Variants in MTHFD2L observed in about 807,000 individuals in gnomAD.
MTHFD2L encodes the protein methylenetetrahydrofolate dehydrogenase (NADP+ dependent) 2 like.
Under a neutral mutation model 34.9 loss-of-function variants are expected in MTHFD2L, and 29 were observed. The ratio of observed to expected loss-of-function variants is 0.83; its 90% CI spans 0.62 to 1.13. The LOEUF (loss-of-function observed/expected upper bound fraction) is 1.13, where lower values mean the gene tolerates loss of function less well. Among genes scored for constraint, MTHFD2L ranks in the 50% most tolerant of loss-of-function variants. The pLI is 0.00. For missense variants in MTHFD2L, 481 were observed against 446.5 expected (o/e 1.08, Z -0.70); for synonymous variants, 167 against 155.7 (o/e 1.07, Z -0.54).
chr4:74,159,949 T>G (rs1725051424), intron 1 of MTHFD2L: 14 of 571,002 alleles, frequency 2.5e-5, no homozygotes, highest in Non-Finnish European at 2.9e-5. Context: ...TCTCTGAAGG[T>G]GAGGTTGGCC....
At chr4:74,192,888 T>C (rs928033328) in intron 3 of MTHFD2L, among the ~76,000 whole-genome samples, 3 of 152,102 alleles carry the variant, frequency 2.0e-5, no homozygotes, top group Non-Finnish European at 4.4e-5. Flanking sequence ...TCTCCCAGTC[T>C]TTGGCTTACC....
At chr4:74,219,393 GA>G (rs1737759545) in intron 5 of MTHFD2L, among the ~76,000 whole-genome samples, 1 of 152,032 alleles carries the variant, frequency 6.6e-6, no homozygotes, top group African/African-American at 2.4e-5. Flanking sequence ...GTGAGTGTGG[GA>G]AAAAGTCATC....
intron 5 of MTHFD2L, among the ~76,000 whole-genome samples, chr4:74,223,884 A>G (rs190895015): frequency 6.2e-4 from 95 of 152,196 alleles, no homozygotes; most frequent in East Asian, 3.3e-3. Context: ...GTAGTCATCT[A>G]TTAAGTTAAT....
At chr4:74,298,151 A>T (rs1328504750) in intron 7 of MTHFD2L, among the ~76,000 whole-genome samples, 1 of 152,078 alleles carries the variant, frequency 6.6e-6, no homozygotes, top group African/African-American at 2.4e-5. Context: ...CTTCATATCC[A>T]TATACTTTAT....
intron 6 of MTHFD2L, among the ~76,000 whole-genome samples, chr4:74,265,979 A>G (rs1745237757): frequency 6.6e-6 from 1 of 152,196 alleles, no homozygotes; most frequent in Non-Finnish European, 1.5e-5. Flanking sequence ...AATATGTTGA[A>G]GTCAATTATT....
Position 74,201,256 on chromosome 4 carries a change from T to A in MTHFD2L, c.605-7T>A. 6.2e-7 allele frequency: 1 copy of A among 1,608,336 alleles called. No individual in the cohort carries two copies. Among genetic ancestry groups the A allele is most frequent in the East Asian group, 2.2e-5 (1 of 44,800 alleles). On this transcript the variant is annotated splice_polypyrimidine_tract_variant and splice_region_variant and intron_variant, in intron 4 of 7. Transcript: ENST00000325278. ...TTCTGCATTTAAACCGAACTCTGTA[T>A]TTTAAGGAATTCAAACATTTGGAAA...
chr4:74,255,677 CTGTTGCCATCTTTAT>C (rs1244666069), intron 6 of MTHFD2L, among the ~76,000 whole-genome samples: 2 of 152,164 alleles, frequency 1.3e-5, no homozygotes, highest in Non-Finnish European at 2.9e-5. Flanking sequence ...CCAGTGTCTA[CTGTTGCCATCTTTAT>C]GTTCATGATT....
chr4:74,297,896 T>C (rs373781024), intron 7 of MTHFD2L, among the ~76,000 whole-genome samples: 12 of 152,146 alleles, frequency 7.9e-5, no homozygotes, highest in African/African-American at 2.9e-4. Flanking sequence ...AGCATTGACA[T>C]CTGTATCCAC....
intron 1 of MTHFD2L, among the ~76,000 whole-genome samples, chr4:74,170,466 A>G (rs1183094894): frequency 6.6e-6 from 1 of 152,234 alleles, no homozygotes; most frequent in African/African-American, 2.4e-5. Flanking sequence ...AACTGAATGT[A>G]TAACTTAGGC....
At chr4:74,284,094 G>T (rs16850845) in intron 7 of MTHFD2L, among the ~76,000 whole-genome samples, 1 of 152,034 alleles carries the variant, frequency 6.6e-6, no homozygotes, top group Non-Finnish European at 1.5e-5. Context: ...GAAGTAAATC[G>T]TCCTTGCAGA....
At chr4:74,170,237 A>C (rs1560439452) in intron 1 of MTHFD2L, among the ~76,000 whole-genome samples, 1 of 152,236 alleles carries the variant, frequency 6.6e-6, no homozygotes, top group African/African-American at 2.4e-5. Context: ...ACAAAATTTC[A>C]GATGAAATCC....
intron 6 of MTHFD2L, among the ~76,000 whole-genome samples, chr4:74,273,114 T>A (rs1048960800): frequency 6.6e-6 from 1 of 152,192 alleles, no homozygotes; most frequent in Admixed American, 6.5e-5. Flanking sequence ...GGGTTTTACA[T>A]TCCTAAAACT....
chr4:74,192,913 A>G (rs1456623336), intron 3 of MTHFD2L, among the ~76,000 whole-genome samples: 1 of 151,830 alleles, frequency 6.6e-6, no homozygotes, highest in East Asian at 1.9e-4. Context: ...CATTTTCTTA[A>G]TGGTGCCTTT....
chr4:74,214,437 G>T (rs952034976), intron 5 of MTHFD2L, among the ~76,000 whole-genome samples: 1 of 151,776 alleles, frequency 6.6e-6, no homozygotes, highest in African/African-American at 2.4e-5. Context: ...ACTCCTTTCT[G>T]TTTGGTAGTT....
intron 6 of MTHFD2L, among the ~76,000 whole-genome samples, chr4:74,249,129 A>G (rs970142738): frequency 2.5e-4 from 38 of 151,428 alleles, no homozygotes; most frequent in Admixed American, 1.4e-3. Context: ...TCTCTTTGTA[A>G]GTCACTCAGG....
At chr4:74,153,930 ATCT>A (rs1724093857), upstream of MTHFD2L, among the ~76,000 whole-genome samples, 3 of 152,242 alleles carry the variant, frequency 2.0e-5, no homozygotes, top group South Asian at 2.1e-4. Context: ...CTTTATTTAG[ATCT>A]TCTTCGTTTT....
rs573246668 is a variant in MTHFD2L, at chr4:74,131,917, T to C, written c.-297+6400T>C. Among the ~76,000 whole-genome samples the C allele has an allele frequency of 3.9e-5, 6 of 152,048 alleles. No individual in the cohort carries two copies. In the South Asian group the frequency reaches 1.2e-3, roughly 32 times the overall value. ...ACAAACAAACATGCCCATCAAAAAG[T>C]GGGTGAAGGATGTGAACAGACACTT... On this transcript the variant is annotated intron_variant, in intron 1 of 7. Coordinates refer to the MTHFD2L transcript ENST00000433372.
chr4:74,238,362 A>G lies in MTHFD2L; in HGVS notation c.805+12968A>G, dbSNP rs191821299. Among the ~76,000 whole-genome samples, 1,245 of 152,306 alleles carry G rather than the reference A, an allele frequency of 8.2e-3. 13 individuals are homozygous for G. Among genetic ancestry groups the G allele is most frequent in the Middle Eastern group, 0.017 (5 of 294 alleles). On this transcript the variant is annotated intron_variant, in intron 6 of 7. Coordinates refer to ENST00000325278, the MANE Select transcript of MTHFD2L (RefSeq NM_001144978.3). Reference sequence around the variant, plus strand: ...TTTTTACTCATTTATGTAGTTAAAGACATAAATGTTAGACTGAAACCATAA... The same window carrying G: ...TTTTTACTCATTTATGTAGTTAAAGGCATAAATGTTAGACTGAAACCATAA...
intron 3 of MTHFD2L, among the ~76,000 whole-genome samples, chr4:74,186,611 T>C (rs1417595403): frequency 6.6e-6 from 1 of 151,992 alleles, no homozygotes; most frequent in East Asian, 1.9e-4. Flanking sequence ...TCCTTAGGCA[T>C]AAATTTGACA....
Sources: gnomAD v4.1 joint callset for allele counts (sites outside exome capture counted in the v4.1 genomes callset) on GRCh38, gnomAD v4.1.1 for gene constraint, MANE v1.5 for transcripts, NCBI Gene and HGNC (gene_info 2026-07-23, HGNC 2026-07-21) for gene names.